FOXP1: variants seen among roughly 807,000 people sequenced by gnomAD.
FOXP1 encodes forkhead box protein P1.
In FOXP1, 15 loss-of-function variants were observed where a neutral mutation model predicts 98.2. The observed-to-expected ratio is 0.15, with a 90% CI of 0.10 to 0.24. The LOEUF is 0.24. FOXP1 is among the 10% of genes least tolerant of loss of function. The pLI, the probability that FOXP1 is intolerant of heterozygous loss-of-function variation, is 1.00. For missense variants in FOXP1, 633 were observed against 848.5 expected, an observed-to-expected ratio of 0.75 and a Z score of 3.15; for synonymous variants, 371 against 314.5, an observed-to-expected ratio of 1.18 and a Z score of -1.90.
chr3:71,063,970 G>A (rs374407564), intron 7 of FOXP1, among the ~76,000 whole-genome samples: 2 of 152,150 alleles, frequency 1.3e-5, no homozygotes, highest in African/African-American at 2.4e-5. Flanking sequence ...CGTTTCCACT[G>A]ACCGTCCTTC....
At chr3:70,979,311 A>G (rs59938356) in intron 14 of FOXP1, among the ~76,000 whole-genome samples, 46 of 147,634 alleles carry the variant, frequency 3.1e-4, no homozygotes, top group East Asian at 1.8e-3. Flanking sequence ...AAAAAAAAAA[A>G]AAAAAAAAAG....
At chr3:71,488,316 A>T (rs2090815789) in intron 3 of FOXP1, among the ~76,000 whole-genome samples, 1 of 152,214 alleles carries the variant, frequency 6.6e-6, no homozygotes, top group Non-Finnish European at 1.5e-5. Flanking sequence ...GACAAATGGA[A>T]TAATTCATTA....
At chr3:71,388,668 A>T (rs1160432764) in intron 3 of FOXP1, among the ~76,000 whole-genome samples, 1 of 152,218 alleles carries the variant, frequency 6.6e-6, no homozygotes, top group Non-Finnish European at 1.5e-5. Flanking sequence ...AGGGAGAAAA[A>T]GGGAAGAAGA....
At chr3:71,486,450 C>A (rs2090655692) in intron 3 of FOXP1, among the ~76,000 whole-genome samples, 2 of 152,200 alleles carry the variant, frequency 1.3e-5, no homozygotes, top group Admixed American at 6.5e-5. Context: ...ACCATCAGAA[C>A]AGGCCTGCTG....
intron 2 of FOXP1, among the ~76,000 whole-genome samples, chr3:71,500,472 T>G (rs77616659): frequency 1.3e-5 from 2 of 152,148 alleles, no homozygotes; most frequent in Admixed American, 6.5e-5. Context: ...GGGGATGAGA[T>G]AGACCATCAT....
intron 6 of FOXP1, among the ~76,000 whole-genome samples, chr3:71,153,714 A>T (rs1229479752): frequency 6.6e-6 from 1 of 152,188 alleles, no homozygotes; most frequent in Non-Finnish European, 1.5e-5. Context: ...TAACAAAATA[A>T]ATCCACTCAA....
At chr3:71,062,742 T>C (rs138101598) in intron 7 of FOXP1, among the ~76,000 whole-genome samples, 1 of 152,186 alleles carries the variant, frequency 6.6e-6, no homozygotes, top group Non-Finnish European at 1.5e-5. Flanking sequence ...AGCTGCACAT[T>C]TGGGCAGGAA....
At chr3:71,528,362 AC>A (rs2043562503) in intron 2 of FOXP1, among the ~76,000 whole-genome samples, 1 of 152,252 alleles carries the variant, frequency 6.6e-6, no homozygotes. Flanking sequence ...GCATAGCAAA[AC>A]AGGCACTTAA....
At chr3:71,134,986 C>T (rs374937229) in intron 6 of FOXP1, among the ~76,000 whole-genome samples, 1 of 152,104 alleles carries the variant, frequency 6.6e-6, no homozygotes, top group Non-Finnish European at 1.5e-5. Flanking sequence ...CGGCCAGGCA[C>T]GGTGGCTCAC....
intron 20 of FOXP1, 23 bp downstream of exon 20, chr3:70,965,867 C>A (rs747195145): frequency 1.2e-6 from 2 of 1,612,670 alleles, no homozygotes; most frequent in South Asian, 1.1e-5. Flanking sequence ...ATAGCAAAGA[C>A]CTGTTGGGTG....
At chr3:71,343,010 G>C (rs1278599817) in intron 4 of FOXP1, among the ~76,000 whole-genome samples, 6 of 152,202 alleles carry the variant, frequency 3.9e-5, no homozygotes, top group Non-Finnish European at 8.8e-5. Flanking sequence ...GGTGGTAAGA[G>C]GAGCTACTTC....
At chr3:71,444,131 AC>A (rs2086196145) in intron 3 of FOXP1, among the ~76,000 whole-genome samples, 2 of 152,222 alleles carry the variant, frequency 1.3e-5, no homozygotes, top group African/African-American at 2.4e-5. Context: ...GTTTCTGTTA[AC>A]GAACAGACTG....
chr3:71,498,390 A>C (rs2091560045), intron 2 of FOXP1, among the ~76,000 whole-genome samples: 2 of 152,204 alleles, frequency 1.3e-5, no homozygotes, highest in Non-Finnish European at 2.9e-5. Context: ...TTTACCAAAC[A>C]CTGCCAGGCA....
chr3:71,081,229 C>T (rs1273294483), intron 7 of FOXP1, among the ~76,000 whole-genome samples: 1 of 152,122 alleles, frequency 6.6e-6, no homozygotes, highest in Non-Finnish European at 1.5e-5. Flanking sequence ...CTCCATAATT[C>T]AAAACTGAAA....
chr3:71,244,550 G>A (rs1205729836), intron 5 of FOXP1, among the ~76,000 whole-genome samples: 5 of 151,652 alleles, frequency 3.3e-5, no homozygotes, highest in Admixed American at 6.6e-5. Context: ...ATACGCCCAA[G>A]TAGAGAAGAA....
intron 2 of FOXP1, chr3:71,541,959 C>A: frequency 1.9e-6 from 1 of 531,644 alleles, no homozygotes; most frequent in South Asian, 1.4e-5. Context: ...TGGCATCACG[C>A]CGCGCGAGAC....
chr3:71,258,083 C>T (rs574667956), intron 5 of FOXP1, among the ~76,000 whole-genome samples: 12 of 152,120 alleles, frequency 7.9e-5, no homozygotes, highest in Admixed American at 2.6e-4. Context: ...TCTGGGCACA[C>T]AAAAATAAAT....
chr3:71,576,042 G>C (rs984506074), intron 2 of FOXP1, among the ~76,000 whole-genome samples: 2 of 152,200 alleles, frequency 1.3e-5, no homozygotes, highest in African/African-American at 4.8e-5. Flanking sequence ...GAAAATGTTT[G>C]TCCTAAGCAA....
intron 3 of FOXP1, among the ~76,000 whole-genome samples, chr3:71,394,172 C>A (rs1016092566): frequency 3.9e-5 from 6 of 152,210 alleles, no homozygotes; most frequent in Non-Finnish European, 8.8e-5. Flanking sequence ...ATGCACCAGC[C>A]CAACTCCAAG....
Sources: gnomAD v4.1 joint callset for allele counts (sites outside exome capture counted in the v4.1 genomes callset) on GRCh38, gnomAD v4.1.1 for gene constraint, MANE v1.5 for transcripts, NCBI Gene and HGNC (gene_info 2026-07-23, HGNC 2026-07-21) for gene names.